MEGF11: variants seen among roughly 807,000 people sequenced by gnomAD.
The protein encoded by MEGF11 is multiple epidermal growth factor-like domains protein 11.
Under a neutral mutation model 146.6 loss-of-function variants are expected in MEGF11, and 126 were observed. The ratio of observed to expected loss-of-function variants is 0.86; its 90% CI spans 0.74 to 1.00. MEGF11 has a LOEUF of 1.00. Among genes scored for constraint, MEGF11 ranks in the 50% least tolerant of loss-of-function variants. The pLI is 0.00. For missense variants in MEGF11, 1,509 were observed against 1,521.2 expected (o/e 0.99, Z 0.13); for synonymous variants, 532 against 583.4 (o/e 0.91, Z 1.27).
intron 4 of MEGF11, among the ~76,000 whole-genome samples, chr15:66,108,676 G>A (rs2087226848): frequency 6.6e-6 from 1 of 152,186 alleles, no homozygotes; most frequent in South Asian, 2.1e-4. Flanking sequence ...AAGGCTTCCT[G>A]TGTACAGGAG....
intron 5 of MEGF11, among the ~76,000 whole-genome samples, chr15:66,076,274 G>A (rs1047430724): frequency 6.6e-6 from 1 of 151,564 alleles, no homozygotes; most frequent in African/African-American, 2.4e-5. Flanking sequence ...TCTGGAAGAG[G>A]GATTGGTCTC....
chr15:66,094,382 C>T lies in MEGF11; in HGVS notation c.394+20G>A. 1.3e-6 allele frequency: 2 copies of T among 1,548,782 alleles called. No homozygotes were observed. Among genetic ancestry groups the T allele is most frequent in the Non-Finnish European group, 1.7e-6 (2 of 1,144,806 alleles). The stretch of plus-strand genomic sequence containing the variant: ...AAGTCAGAGCCAGGGTGCCTCCTGA[C>T]CCCCAAACCCCAGACTCACCGCTGG... On this transcript the variant is annotated intron_variant, in intron 5 of 25. Coordinates refer to ENST00000395614, the MANE Select transcript of MEGF11 (RefSeq NM_001385028.1).
intron 1 of MEGF11, among the ~76,000 whole-genome samples, chr15:66,210,568 G>A (rs765872608): frequency 1.3e-5 from 2 of 152,168 alleles, no homozygotes; most frequent in Non-Finnish European, 2.9e-5. Flanking sequence ...GTGAAAGCTC[G>A]GCTGTATGAA....
intron 5 of MEGF11, among the ~76,000 whole-genome samples, chr15:66,079,598 C>T (rs1334335269): frequency 1.4e-5 from 2 of 147,042 alleles, no homozygotes; most frequent in East Asian, 4.2e-4. Context: ...GCCAGTGTTC[C>T]ACCAGACAGG....
intron 3 of MEGF11, among the ~76,000 whole-genome samples, chr15:66,120,050 A>T (rs1023287104): frequency 5.9e-5 from 9 of 152,142 alleles, no homozygotes; most frequent in Non-Finnish European, 1.3e-4. Context: ...GAAAACTAAA[A>T]TTAGTGAAGT....
intron 5 of MEGF11, among the ~76,000 whole-genome samples, chr15:66,010,719 C>T (rs1428611589): frequency 6.6e-6 from 1 of 152,194 alleles, no homozygotes; most frequent in Non-Finnish European, 1.5e-5. Flanking sequence ...TAACTTCCCT[C>T]TCTATCACTT....
chr15:65,984,870 G>A (rs1250746192), intron 5 of MEGF11, among the ~76,000 whole-genome samples: 3 of 151,960 alleles, frequency 2.0e-5, no homozygotes, highest in East Asian at 3.9e-4. Flanking sequence ...CCGGGTTCAA[G>A]CAATTCTCCT....
At chr15:65,930,446 C>T (rs1008854308) in intron 11 of MEGF11, among the ~76,000 whole-genome samples, 11 of 152,092 alleles carry the variant, frequency 7.2e-5, no homozygotes, top group Non-Finnish European at 1.5e-4. Context: ...CAGGTGGTGG[C>T]GCAGCCCCTC....
chr15:66,243,896 T>C (rs907707561), intron 1 of MEGF11, among the ~76,000 whole-genome samples: 3 of 152,114 alleles, frequency 2.0e-5, no homozygotes, highest in African/African-American at 7.2e-5. Flanking sequence ...TCCAACATCA[T>C]ACTATGAAGC....
At chr15:65,984,189 A>G (rs963666406) in intron 5 of MEGF11, among the ~76,000 whole-genome samples, 1 of 152,108 alleles carries the variant, frequency 6.6e-6, no homozygotes, top group African/African-American at 2.4e-5. Context: ...AGTAAAGCAA[A>G]AATTAAATCC....
At chr15:66,058,853 A>G (rs964009069) in intron 5 of MEGF11, among the ~76,000 whole-genome samples, 1 of 152,042 alleles carries the variant, frequency 6.6e-6, no homozygotes, top group African/African-American at 2.4e-5. Flanking sequence ...AGTCATGAAA[A>G]TCCTGAAATA....
intron 1 of MEGF11, 104 bp from the exon 2 acceptor site, chr15:66,128,515 T>C: frequency 1.8e-6 from 1 of 571,306 alleles, no homozygotes; most frequent in Non-Finnish European, 2.8e-6. Flanking sequence ...TATTTCACAT[T>C]GCAGGCTTTG....
At chr15:66,024,444 A>G (rs779009356) in intron 5 of MEGF11, among the ~76,000 whole-genome samples, 1 of 152,226 alleles carries the variant, frequency 6.6e-6, no homozygotes, top group Non-Finnish European at 1.5e-5. Flanking sequence ...CCAAAGTCAC[A>G]CAGCTGGCCA....
intron 18 of MEGF11, 122 bp from the exon 19 acceptor site, chr15:65,915,720 G>C (rs1413589105): frequency 1.6e-6 from 2 of 1,286,448 alleles, no homozygotes; most frequent in African/African-American, 3.0e-5. Context: ...TATTCCCTTA[G>C]CTCCTGTTGA....
chr15:66,072,468 T>C (rs149007937), intron 5 of MEGF11, among the ~76,000 whole-genome samples: 166 of 152,338 alleles, frequency 1.1e-3, no homozygotes, highest in African/African-American at 3.9e-3. Context: ...TTCTTGTTAA[T>C]TGTGTTTCTG....
intron 1 of MEGF11, among the ~76,000 whole-genome samples, chr15:66,218,800 G>A (rs1178218800): frequency 2.0e-5 from 3 of 152,024 alleles, no homozygotes; most frequent in Non-Finnish European, 4.4e-5. Flanking sequence ...GCCCCCATCT[G>A]TTGATGGCTT....
intron 1 of MEGF11, among the ~76,000 whole-genome samples, chr15:66,133,597 C>G (rs1020976931): frequency 2.6e-5 from 4 of 152,180 alleles, no homozygotes; most frequent in African/African-American, 9.7e-5. Flanking sequence ...TCAGCTGGCT[C>G]CCAGTCCCCA....
chr15:66,229,233 C>T (rs1240836460), intron 1 of MEGF11, among the ~76,000 whole-genome samples: 1 of 151,942 alleles, frequency 6.6e-6, no homozygotes, highest in African/African-American at 2.4e-5. Flanking sequence ...GGTTAACTAG[C>T]CTTGCAGCTT....
chr15:65,909,971 C>G (rs1211673428), intron 21 of MEGF11, 165 bp from the exon 22 acceptor site: 1 of 707,642 alleles, frequency 1.4e-6, no homozygotes, highest in Non-Finnish European at 2.6e-6. Flanking sequence ...GACAGGCCAC[C>G]ATGGTGTGGT....
Sources: allele counts gnomAD v4.1 joint callset (sites outside exome capture counted in the v4.1 genomes callset), GRCh38; gene constraint gnomAD v4.1.1; transcripts MANE v1.5; gene names NCBI Gene and HGNC (gene_info 2026-07-23, HGNC 2026-07-21).